The following DRC2 variants were observed in gnomAD, a reference collection of about 807,000 sequenced individuals.
DRC2 encodes dynein regulatory complex subunit 2.
chr12:48,919,070 A>T, the DRC2 span, among the ~76,000 whole-genome samples: 1 of 152,076 alleles, frequency 6.6e-6, no homozygotes, highest in African/African-American at 2.4e-5. Flanking sequence ...ATTAAATTAA[A>T]TTAATTTATT....
At chr12:48,909,465 ATTATTT>A in the DRC2 span, among the ~76,000 whole-genome samples, 578 of 151,776 alleles carry the variant, frequency 3.8e-3, 9 homozygotes, top group East Asian at 0.038. Flanking sequence ...AAACTTTCTT[ATTATTT>A]TTATTTTTAT....
the DRC2 span, among the ~76,000 whole-genome samples, chr12:48,908,586 ATTATTATTATTATTATTATTAT>A: frequency 1.7e-5 from 2 of 121,196 alleles, no homozygotes; most frequent in African/African-American, 5.6e-5. Context: ...TATTATTATT[ATTATTATTATTATTATTATTAT>A]TTATTTATTT....
the DRC2 span, among the ~76,000 whole-genome samples, chr12:48,906,199 G>GC: frequency 6.6e-6 from 1 of 152,142 alleles, no homozygotes; most frequent in Admixed American, 6.6e-5. Context: ...AAAGAGCTCA[G>GC]CAGACCCTGG....
the DRC2 span, among the ~76,000 whole-genome samples, chr12:48,916,492 C>A: frequency 1.6e-4 from 25 of 152,210 alleles, no homozygotes; most frequent in Admixed American, 1.4e-3. Flanking sequence ...CGCAGGCACT[C>A]GGCAGGCTGA....
chr12:48,914,070 C>T, the DRC2 span, among the ~76,000 whole-genome samples: 3 of 151,390 alleles, frequency 2.0e-5, no homozygotes, highest in South Asian at 2.1e-4. Context: ...GCTGGGATTA[C>T]GGCCTGGGTA....
chr12:48,914,338 A>G, the DRC2 span: 2 of 1,467,822 alleles, frequency 1.4e-6, no homozygotes, highest in Admixed American at 4.4e-5. Context: ...TGCCAGCTGA[A>G]TATATTTTTA....
At chr12:48,914,890 G>A in the DRC2 span, among the ~76,000 whole-genome samples, 4 of 149,950 alleles carry the variant, frequency 2.7e-5, no homozygotes, top group South Asian at 2.1e-4. Context: ...ACGGAGTGTC[G>A]CTCTGTTGTC....
At chr12:48,907,684 T>C in the DRC2 span, among the ~76,000 whole-genome samples, 1 of 152,216 alleles carries the variant, frequency 6.6e-6, no homozygotes, top group Non-Finnish European at 1.5e-5. Flanking sequence ...TTGTGGCTAC[T>C]TTTCATCATT....
At chr12:48,917,521 A>AC in the DRC2 span, among the ~76,000 whole-genome samples, 1 of 152,146 alleles carries the variant, frequency 6.6e-6, no homozygotes, top group Non-Finnish European at 1.5e-5. Context: ...AGTAGAAGAG[A>AC]CCCCTTTAGC....
the DRC2 span, chr12:48,918,953 C>A: frequency 9.6e-6 from 14 of 1,456,748 alleles, no homozygotes; most frequent in Admixed American, 1.8e-4. Context: ...ACCTGCCTCC[C>A]TGCAAAGTGA....
chr12:48,904,656 G>C, the DRC2 span, among the ~76,000 whole-genome samples: 2 of 152,198 alleles, frequency 1.3e-5, no homozygotes, highest in African/African-American at 4.8e-5. Context: ...GAGGGGGTGC[G>C]TGGTATACGG....
chr12:48,914,576 A>G, the DRC2 span: 34 of 1,613,368 alleles, frequency 2.1e-5, no homozygotes, highest in Admixed American at 5.7e-4. Flanking sequence ...ACAGAAAGGT[A>G]TGGGGGCCTA....
the DRC2 span, among the ~76,000 whole-genome samples, chr12:48,916,052 A>T: frequency 2.3e-5 from 3 of 128,504 alleles, no homozygotes; most frequent in South Asian, 7.6e-4. Context: ...GGCGGCCGGG[A>T]AGAGGCGCTC....
At chr12:48,918,837 G>A in the DRC2 span, 1 of 1,614,100 alleles carries the variant, frequency 6.2e-7, no homozygotes, top group Admixed American at 1.7e-5. Flanking sequence ...CATCCCAGAA[G>A]AACTTAGTCA....
At chr12:48,905,754 C>T in the DRC2 span, among the ~76,000 whole-genome samples, 93 of 152,128 alleles carry the variant, frequency 6.1e-4, 2 homozygotes, top group Admixed American at 6.0e-3. Context: ...ACTGCCTTCT[C>T]CTTAGTCTTT....
At chr12:48,904,385 C>T in the DRC2 span, 1 of 1,614,094 alleles carries the variant, frequency 6.2e-7, no homozygotes, top group Non-Finnish European at 8.5e-7. Context: ...CGATGAGAAG[C>T]AGCTGCTTCT....
At chr12:48,910,514 A>G in the DRC2 span, among the ~76,000 whole-genome samples, 2 of 152,168 alleles carry the variant, frequency 1.3e-5, no homozygotes, top group Non-Finnish European at 2.9e-5. Context: ...TCATGTGGGC[A>G]ATTCTGTAAA....
At chr12:48,910,448 C>T in the DRC2 span, among the ~76,000 whole-genome samples, 1 of 152,194 alleles carries the variant, frequency 6.6e-6, no homozygotes, top group Non-Finnish European at 1.5e-5. Context: ...AAGGTAAAAG[C>T]TATCTCTGTG....
the DRC2 span, chr12:48,905,140 G>T: frequency 6.4e-7 from 1 of 1,564,580 alleles, no homozygotes; most frequent in South Asian, 1.2e-5. Flanking sequence ...AGGAAACCTT[G>T]AGTATGGCTT....
Sources: gnomAD v4.1 joint callset for allele counts (sites outside exome capture counted in the v4.1 genomes callset) on GRCh38, gnomAD v4.1.1 for gene constraint, MANE v1.5 for transcripts, NCBI Gene and HGNC (gene_info 2026-07-23, HGNC 2026-07-21) for gene names.